CYB5R4: variants seen among roughly 807,000 people sequenced by gnomAD.
The protein encoded by CYB5R4 is cytochrome b5 reductase 4.
Under a neutral mutation model 70.2 loss-of-function variants are expected in CYB5R4, and 55 were observed. That is an observed-to-expected ratio of 0.78 (90% CI 0.63 to 0.98). CYB5R4 has a LOEUF of 0.98. CYB5R4 is among the 50% of genes least tolerant of loss of function. The pLI, the probability that CYB5R4 is intolerant of heterozygous loss-of-function variation, is 0.00. For synonymous variants in CYB5R4, 197 were observed against 199.5 expected, an observed-to-expected ratio of 0.99 and a Z score of 0.11; for missense variants, 562 against 612.6, an observed-to-expected ratio of 0.92 and a Z score of 0.87.
At chr6:83,942,744 T>G (rs916617733) in intron 14 of CYB5R4, among the ~76,000 whole-genome samples, 4 of 152,012 alleles carry the variant, frequency 2.6e-5, no homozygotes, top group African/African-American at 9.7e-5. Context: ...CACAGCAGTT[T>G]GAAGTTGATG....
intron 5 of CYB5R4, among the ~76,000 whole-genome samples, chr6:83,917,187 G>A (rs2099465655): frequency 6.6e-6 from 1 of 152,090 alleles, no homozygotes; most frequent in Non-Finnish European, 1.5e-5. Flanking sequence ...ATACCCACAA[G>A]AATGCATACC....
chr6:83,904,971 T>C (rs1179301125), intron 3 of CYB5R4, among the ~76,000 whole-genome samples: 1 of 152,186 alleles, frequency 6.6e-6, no homozygotes, highest in East Asian at 1.9e-4. Context: ...TTTTTCATGT[T>C]TCCTGTGTCC....
chr6:83,873,606 C>T (rs1002268868), intron 2 of CYB5R4, among the ~76,000 whole-genome samples: 4 of 152,054 alleles, frequency 2.6e-5, no homozygotes, highest in East Asian at 1.9e-4. Flanking sequence ...GTGTAGTTGT[C>T]GCTCATAAAA....
At chr6:83,924,748 C>CT (rs965914869) in intron 10 of CYB5R4, among the ~76,000 whole-genome samples, 156 bp downstream of exon 10, 1 of 151,912 alleles carries the variant, frequency 6.6e-6, no homozygotes, top group Non-Finnish European at 1.5e-5. Context: ...TGTTGTCCTG[C>CT]TTTTTTTTCC....
chr6:83,879,372 C>T (rs2099459095), intron 2 of CYB5R4, among the ~76,000 whole-genome samples: 1 of 151,996 alleles, frequency 6.6e-6, no homozygotes. Context: ...CTGTTCTTTC[C>T]CAGTATTTAG....
In CYB5R4 at chr6:83,924,555, G is replaced by A; in HGVS notation, c.777G>A (p.Leu259=). The change falls in exon 10 of 16, where the codon CTG becomes CTA. Residue 259 remains leucine (L), a synonymous_variant. Coordinates refer to ENST00000369681, the MANE Select transcript of CYB5R4 (RefSeq NM_016230.4). ...NTSWDFLGHP[L]KNHNSLIPRK... Reference sequence around the variant, plus strand: ...CTTGGGACTTTCTTGGCCATCCCCTGAAGAATCATAATTCACTTATTCCAA... The same window carrying A: ...CTTGGGACTTTCTTGGCCATCCCCTAAAGAATCATAATTCACTTATTCCAA... 1 of 1,613,626 alleles carries A rather than the reference G, an allele frequency of 6.2e-7. No individual in the cohort carries two copies. Among genetic ancestry groups the A allele is most frequent in the Non-Finnish European group, 8.5e-7 (1 of 1,179,698 alleles).
chr6:83,912,897 G>A (rs1998742), intron 4 of CYB5R4, among the ~76,000 whole-genome samples: 29,686 of 152,044 alleles, frequency 0.2, 3,778 homozygotes, highest in East Asian at 0.36. Context: ...TGGTGGTGGG[G>A]GGGAACTACT....
rs1224847276 is a variant in CYB5R4 at position 83,960,332 on chromosome 6, T to C, written c.*454T>C. On this transcript the variant is annotated 3_prime_UTR_variant, in exon 16 of 16. Transcript: ENST00000369681. ...TGTCCTTGTTATTAATGTTAAAACA[T>C]AGAATGTTATAACTTATTAAGTGAT... is the stretch of plus-strand genomic sequence containing the variant. The C allele has an allele frequency of 6.5e-6, 1 of 153,670 alleles. No individual in the cohort carries two copies. The highest frequency in any genetic ancestry group is 6.5e-5 in the Admixed American group (1 of 15,292). 9.5% of individuals were successfully genotyped at this position (153,670 alleles called of 1,614,324 possible).
chr6:83,922,780 T>C (rs1192849833), intron 9 of CYB5R4, among the ~76,000 whole-genome samples: 1 of 152,122 alleles, frequency 6.6e-6, no homozygotes, highest in Non-Finnish European at 1.5e-5. Context: ...TCCTATTTTT[T>C]CTTCCCCTTA....
At chr6:83,957,608 G>A (rs907353240) in intron 15 of CYB5R4, among the ~76,000 whole-genome samples, 2 of 126,804 alleles carry the variant, frequency 1.6e-5, no homozygotes. Context: ...GGCAACAAGA[G>A]CGAAACTCTG....
chr6:83,922,653 T>G (rs1010244837), intron 9 of CYB5R4, among the ~76,000 whole-genome samples, 183 bp downstream of exon 9: 1 of 152,188 alleles, frequency 6.6e-6, no homozygotes, highest in Non-Finnish European at 1.5e-5. Flanking sequence ...CTGGGATACA[T>G]GTGCAAGATG....
At chr6:83,946,261 G>T (rs968256341) in intron 14 of CYB5R4, among the ~76,000 whole-genome samples, 4 of 152,176 alleles carry the variant, frequency 2.6e-5, no homozygotes, top group Admixed American at 2.0e-4. Flanking sequence ...ATGCAAGGCT[G>T]ATTCAACATA....
At chr6:83,929,325 C>G (rs2099467795) in intron 10 of CYB5R4, 1 of 152,140 alleles carries the variant, frequency 6.6e-6, no homozygotes, top group African/African-American at 2.4e-5. Flanking sequence ...TATGCTGGCT[C>G]CATCTTACTA....
intron 8 of CYB5R4, among the ~76,000 whole-genome samples, 187 bp from the exon 9 acceptor site, chr6:83,922,251 A>G (rs2099466498): frequency 6.6e-6 from 1 of 152,222 alleles, no homozygotes; most frequent in African/African-American, 2.4e-5. Context: ...GAAACAATTG[A>G]AAATGTATGT....
At chr6:83,939,993 TG>T (rs2099469505) in intron 12 of CYB5R4, 62 bp from the exon 13 acceptor site, 1 of 1,274,334 alleles carries the variant, frequency 7.8e-7, no homozygotes, top group African/African-American at 1.5e-5. Flanking sequence ...GTTTCCCCGC[TG>T]GGTTTTTTGT....
chr6:83,942,254 G>GCCTTCT (rs1013778625), intron 14 of CYB5R4, among the ~76,000 whole-genome samples: 2 of 152,300 alleles, frequency 1.3e-5, no homozygotes, highest in African/African-American at 4.8e-5. Context: ...GGTGATTTCT[G>GCCTTCT]CATTTCCAAC....
At chr6:83,867,095 A>G (rs768210133) in intron 2 of CYB5R4, among the ~76,000 whole-genome samples, 7 of 152,204 alleles carry the variant, frequency 4.6e-5, no homozygotes, top group Non-Finnish European at 5.9e-5. Flanking sequence ...AGGATAAATT[A>G]TTGTTAGCAG....
chr6:83,910,102 A>G, intron 4 of CYB5R4: 1 of 1,612,518 alleles, frequency 6.2e-7, no homozygotes. Context: ...GAGGATGGAG[A>G]TAGACACCAG....
chr6:83,899,539 A>T (rs1023983140), intron 3 of CYB5R4, among the ~76,000 whole-genome samples: 1 of 152,104 alleles, frequency 6.6e-6, no homozygotes, highest in Non-Finnish European at 1.5e-5. Context: ...CAGAAGGAAT[A>T]GTACCAGCTC....
Sources: allele counts gnomAD v4.1 joint callset (sites outside exome capture counted in the v4.1 genomes callset), GRCh38; gene constraint gnomAD v4.1.1; transcripts MANE v1.5; gene names NCBI Gene and HGNC (gene_info 2026-07-23, HGNC 2026-07-21).